The following PKHD1 variants were observed in gnomAD, a reference collection of about 807,000 sequenced individuals.
PKHD1 encodes the protein fibrocystin.
In PKHD1, 291 loss-of-function variants were observed where a neutral mutation model predicts 412.0. That is an observed-to-expected ratio of 0.71 (90% confidence interval 0.64 to 0.78). The LOEUF (loss-of-function observed/expected upper bound fraction) is 0.78, where lower values mean the gene tolerates loss of function less well. Ranked by LOEUF, PKHD1 falls within the 30% of genes least tolerant of loss-of-function variation. The pLI is 0.00. For synonymous variants in PKHD1, 1,777 were observed against 1,821.5 expected, an observed-to-expected ratio of 0.98 and a Z score of 0.62; for missense variants, 4,825 against 4,950.7, an observed-to-expected ratio of 0.97 and a Z score of 0.76.
At chr6:51,754,011 G>T (rs891581605) in intron 56 of PKHD1, among the ~76,000 whole-genome samples, 1 of 152,156 alleles carries the variant, frequency 6.6e-6, no homozygotes, top group African/African-American at 2.4e-5. Flanking sequence ...AAATGCTCCT[G>T]GGAACATTGA....
At chr6:52,028,900 CTT>C (rs1354288911) in intron 29 of PKHD1, among the ~76,000 whole-genome samples, 4 of 152,198 alleles carry the variant, frequency 2.6e-5, no homozygotes, top group African/African-American at 9.6e-5. Context: ...GAGACACTAA[CTT>C]ATTTCCATGC....
At chr6:51,962,574 T>A (rs1222010492) in intron 35 of PKHD1, among the ~76,000 whole-genome samples, 2 of 152,092 alleles carry the variant, frequency 1.3e-5, no homozygotes, top group Admixed American at 1.3e-4. Context: ...TACTGTTATC[T>A]CTACTTTCCA....
At chr6:51,769,523 G>T (rs1287327616) in intron 55 of PKHD1, among the ~76,000 whole-genome samples, 5 of 151,288 alleles carry the variant, frequency 3.3e-5, no homozygotes, top group African/African-American at 1.2e-4. Flanking sequence ...ATATATTGGG[G>T]TTTTCTTGGT....
At chr6:51,802,377 A>T (rs1277393970) in intron 52 of PKHD1, among the ~76,000 whole-genome samples, 1 of 151,584 alleles carries the variant, frequency 6.6e-6, no homozygotes, top group Non-Finnish European at 1.5e-5. Context: ...TAATTCTATT[A>T]CCTGTATACA....
chr6:51,801,728 C>T (rs1762972847), intron 52 of PKHD1, among the ~76,000 whole-genome samples: 1 of 150,842 alleles, frequency 6.6e-6, no homozygotes, highest in Non-Finnish European at 1.5e-5. Flanking sequence ...TCACTCTCAC[C>T]TCATGAGAAG....
chr6:51,769,579 T>A (rs561783265), intron 55 of PKHD1, among the ~76,000 whole-genome samples: 358 of 151,634 alleles, frequency 2.4e-3, no homozygotes, highest in Non-Finnish European at 3.6e-3. Context: ...TTTTTAAAAA[T>A]TTAATCTTAC....
At chr6:51,977,201 G>T (rs1794571862) in intron 35 of PKHD1, among the ~76,000 whole-genome samples, 1 of 152,196 alleles carries the variant, frequency 6.6e-6, no homozygotes, top group South Asian at 2.1e-4. Context: ...CCAGGTGAAA[G>T]AATGAGAAAA....
In PKHD1 at chr6:52,085,118, T is replaced by C. The variant is rs1812573223; in HGVS notation, c.-84-101A>G. 3 of 575,176 alleles carry C rather than the reference T, an allele frequency of 5.2e-6. No homozygotes were observed. In the South Asian group the frequency reaches 5.9e-5, roughly 11 times the overall value. The allele number at this position is 575,176 out of a possible 1,614,324, so 35.6% of individuals were successfully genotyped here. ...GGAAATTAAGGAGATGAGATAAACA[T>C]GGCCTTAGTGTCTTCAAATGGAGCC... On this transcript the variant is annotated intron_variant, in intron 1 of 66. Coordinates refer to ENST00000371117, the MANE Select transcript of PKHD1 (RefSeq NM_138694.4).
intron 49 of PKHD1, among the ~76,000 whole-genome samples, chr6:51,848,795 A>G (rs1218966816): frequency 6.6e-6 from 1 of 152,112 alleles, no homozygotes; most frequent in Admixed American, 6.5e-5. Context: ...AATGTGTATG[A>G]TAAGATAGGA....
intron 52 of PKHD1, among the ~76,000 whole-genome samples, chr6:51,819,562 C>T (rs6917657): frequency 0.053 from 8,117 of 152,058 alleles, 223 homozygotes; most frequent in South Asian, 0.07. Context: ...ATTTGTTAGT[C>T]GTATTCATTT....
chr6:51,669,134 C>G (rs910286922), intron 60 of PKHD1, among the ~76,000 whole-genome samples: 1 of 152,176 alleles, frequency 6.6e-6, no homozygotes. Flanking sequence ...CCAGTTCCTC[C>G]TTGTACCTCT....
intron 64 of PKHD1, among the ~76,000 whole-genome samples, chr6:51,638,137 T>C (rs1366299769): frequency 6.6e-6 from 1 of 152,228 alleles, no homozygotes; most frequent in African/African-American, 2.4e-5. Context: ...AGGATGCAAA[T>C]GATATCTGTA....
chr6:51,978,160 A>T (rs1794698031), intron 35 of PKHD1, among the ~76,000 whole-genome samples: 1 of 152,144 alleles, frequency 6.6e-6, no homozygotes, highest in African/African-American at 2.4e-5. Flanking sequence ...GGAAGGAAGG[A>T]AGGAGATGGA....
chr6:52,055,640 C>G lies in PKHD1; in HGVS notation c.1783G>C (p.Val595Leu). 6.2e-7 allele frequency: 1 copy of G among 1,613,926 alleles called. No homozygotes were observed. The highest frequency in any genetic ancestry group is 8.5e-7 in the Non-Finnish European group (1 of 1,179,876). ...TTCTGGGCAGCCGGGGGAGTAAGGA[C>G]AAGGTGTCGAGGCTGACGGAGGCTG... The part of the protein sequence containing the change: ...RFSLRQPRHL[V>L]LTPPAAQKGY... Residue 595 changes from valine to leucine, a missense_variant, in exon 19 of 67, where the codon GTC becomes CTC. Val to Leu is a conservative substitution (Grantham distance 32, BLOSUM62 1). Transcript: ENST00000371117.
rs1766248984 is a variant in PKHD1, at chr6:51,618,552, A to C, written c.*529T>G. The stretch of plus-strand genomic sequence containing the variant: ...AAAATCCACTTGTAAAAAGCCAGGA[A>C]GTTGCCTTGTGGTTGGAAGGTAAGC... On this transcript the variant is annotated 3_prime_UTR_variant, in exon 67 of 67. Transcript: ENST00000371117. 5.9e-6 allele frequency: 1 copy of C among 169,608 alleles called. No homozygotes were observed. Among genetic ancestry groups the C allele is most frequent in the South Asian group, 1.4e-4 (1 of 7,070 alleles). 10.5% of individuals were successfully genotyped at this position (169,608 alleles called of 1,614,324 possible).
At chr6:51,776,410 C>A (rs1307140558) in intron 53 of PKHD1, among the ~76,000 whole-genome samples, 1 of 151,952 alleles carries the variant, frequency 6.6e-6, no homozygotes, top group Non-Finnish European at 1.5e-5. Flanking sequence ...GAATAGAATG[C>A]ACAAGCTGGA....
In PKHD1 at chr6:52,062,591, C is replaced by T. The variant is rs746153656; in HGVS notation, c.1046G>A (p.Gly349Glu). ...ATTAGGGACAATCTGCCACCTGTAC[C>T]CTGGGGTGGCTTCAGTCAGTTCCAG... Reference protein sequence around the residue: ...EGLELTEATPGYRWQIVPNAS... With the variant: ...EGLELTEATPEYRWQIVPNAS... The change falls in exon 14 of 67, where the codon GGG (glycine) becomes GAG (glutamate). Residue 349 changes from glycine (G) to glutamate (E), a missense_variant. Coordinates refer to ENST00000371117, the MANE Select transcript of PKHD1 (RefSeq NM_138694.4). 4 of 1,613,960 alleles carry T rather than the reference C, an allele frequency of 2.5e-6. No homozygotes were observed. The East Asian group carries it at 8.9e-5, about 36-fold the overall frequency.
chr6:51,794,948 G>C (rs1266625496), intron 52 of PKHD1, among the ~76,000 whole-genome samples: 1 of 152,170 alleles, frequency 6.6e-6, no homozygotes, highest in Admixed American at 6.5e-5. Context: ...GCGGTATAAA[G>C]TTGGGTCACA....
chr6:51,932,869 T>A (rs1479828482), intron 37 of PKHD1, among the ~76,000 whole-genome samples: 1 of 152,174 alleles, frequency 6.6e-6, no homozygotes, highest in Admixed American at 6.5e-5. Flanking sequence ...CACAAGCATG[T>A]TTTTTGATAG....
Sources: gnomAD v4.1 joint callset for allele counts (sites outside exome capture counted in the v4.1 genomes callset) on GRCh38, gnomAD v4.1.1 for gene constraint, MANE v1.5 for transcripts, NCBI Gene and HGNC (gene_info 2026-07-23, HGNC 2026-07-21) for gene names.